CFAP97: variants seen among roughly 807,000 people sequenced by gnomAD.
CFAP97 encodes cilia and flagella associated protein 97.
A neutral mutation model predicts 43.1 loss-of-function variants in CFAP97; 36 were observed. That is an observed-to-expected ratio of 0.84 (90% CI 0.64 to 1.10). CFAP97 has a LOEUF of 1.10. CFAP97 is among the 50% of genes least tolerant of loss of function. The pLI is 0.00. For missense variants in CFAP97, 657 were observed against 620.3 expected (o/e 1.06, Z -0.63); for synonymous variants, 228 against 225.7 (o/e 1.01, Z -0.09).
chr4:185,200,041 G>A (rs1736754672), intron 1 of CFAP97, among the ~76,000 whole-genome samples: 1 of 152,188 alleles, frequency 6.6e-6, no homozygotes, highest in Non-Finnish European at 1.5e-5. Context: ...TCCTCTGACG[G>A]ATCTGAGCAA....
intron 1 of CFAP97, among the ~76,000 whole-genome samples, chr4:185,192,641 C>A (rs1270419800): frequency 1.3e-5 from 2 of 151,030 alleles, no homozygotes; most frequent in Non-Finnish European, 2.9e-5. Context: ...CTGTTTATTA[C>A]AGTGGTCAAA....
intron 2 of CFAP97, among the ~76,000 whole-genome samples, chr4:185,179,278 G>A (rs375091805): frequency 1.3e-5 from 2 of 152,018 alleles, no homozygotes; most frequent in Non-Finnish European, 1.5e-5. Context: ...ATCTGTGGCC[G>A]GAAGTTGGAC....
At chr4:185,194,118 G>C (rs115698868) in intron 1 of CFAP97, among the ~76,000 whole-genome samples, 1 of 152,112 alleles carries the variant, frequency 6.6e-6, no homozygotes, top group Non-Finnish European at 1.5e-5. Flanking sequence ...TTCACACTAC[G>C]ACTGCAGAGC....
intron 2 of CFAP97, among the ~76,000 whole-genome samples, chr4:185,179,847 A>G (rs535876476): frequency 6.6e-6 from 1 of 152,256 alleles, no homozygotes; most frequent in East Asian, 1.9e-4. Flanking sequence ...TTTTGTTGTT[A>G]TTTGGTTTAA....
Position 185,166,712 on chromosome 4 carries a change from G to A in CFAP97, c.1321-2533C>T, listed in dbSNP as rs576807891. On this transcript the variant is annotated intron_variant, in intron 3 of 4. Transcript: ENST00000458385. ...TAGGGAAATAAGAGAGAAATGATTC[G>A]GCTCATGTACCCAAATCACATGGAA... 4.6e-5 allele frequency among the ~76,000 whole-genome samples: 7 copies of A among 152,224 alleles called. No individual in the cohort carries two copies. The South Asian group carries it at 6.2e-4, about 14-fold the overall frequency.
chr4:185,187,008 A>G (rs1736030511), intron 2 of CFAP97, among the ~76,000 whole-genome samples: 1 of 152,218 alleles, frequency 6.6e-6, no homozygotes, highest in Non-Finnish European at 1.5e-5. Context: ...CGTATGCTCT[A>G]GCTTAACTAA....
chr4:185,194,942 C>T (rs546796608), intron 1 of CFAP97, among the ~76,000 whole-genome samples: 7 of 152,130 alleles, frequency 4.6e-5, no homozygotes, highest in East Asian at 1.9e-4. Flanking sequence ...GTGGTTGAAA[C>T]GAATCAATGG....
At chr4:185,200,600 G>A (rs1047530357) in intron 1 of CFAP97, among the ~76,000 whole-genome samples, 7 of 151,772 alleles carry the variant, frequency 4.6e-5, no homozygotes, top group African/African-American at 1.7e-4. Flanking sequence ...CCGAGCTTGC[G>A]TCACGGCACT....
At chr4:185,171,348 C>G (rs541964885) in intron 3 of CFAP97, among the ~76,000 whole-genome samples, 30 of 152,114 alleles carry the variant, frequency 2.0e-4, no homozygotes, top group African/African-American at 6.5e-4. Flanking sequence ...CAAAAAAATC[C>G]CCCCAAAACA....
intron 3 of CFAP97, among the ~76,000 whole-genome samples, chr4:185,166,362 G>A (rs1735072753): frequency 6.6e-6 from 1 of 152,204 alleles, no homozygotes; most frequent in Non-Finnish European, 1.5e-5. Context: ...CCAGCAGAGT[G>A]CATTTGCTGT....
chr4:185,190,428 G>T lies in CFAP97; in HGVS notation c.769C>A (p.Pro257Thr). Reference sequence around the variant, plus strand: ...GGGCTAATGTCTGGAGTTGATAAGGGACTTACGTCAGTCACAGTATCTTCA... The same window carrying T: ...GGGCTAATGTCTGGAGTTGATAAGGTACTTACGTCAGTCACAGTATCTTCA... Reference protein sequence around the residue: ...ESEDTVTDVSPLSTPDISPLQ... With the variant: ...ESEDTVTDVSTLSTPDISPLQ... The change falls in exon 2 of 5, where the codon CCC becomes ACC. Residue 257 changes from proline (P) to threonine (T), a missense_variant. By Grantham distance (38) the Pro-to-Thr change is conservative. Coordinates refer to ENST00000458385, the MANE Select transcript of CFAP97 (RefSeq NM_020827.3). 1 of 1,613,666 alleles carries T rather than the reference G, an allele frequency of 6.2e-7. No individual in the cohort carries two copies. The highest frequency in any genetic ancestry group is 1.1e-5 in the South Asian group (1 of 91,002).
intron 3 of CFAP97, among the ~76,000 whole-genome samples, chr4:185,165,796 T>C (rs1735045663): frequency 6.6e-6 from 1 of 152,148 alleles, no homozygotes; most frequent in Non-Finnish European, 1.5e-5. Context: ...CACCACCGAC[T>C]CCCATAACTT....
rs191093201 is a variant in CFAP97, at chr4:185,201,585, T to C, written c.-17+2313A>G. 4.4e-3 allele frequency among the ~76,000 whole-genome samples: 671 copies of C among 152,346 alleles called. 3 individuals are homozygous for C. Among genetic ancestry groups the C allele is most frequent in the Non-Finnish European group, 6.5e-3 (443 of 68,032 alleles). The stretch of plus-strand genomic sequence containing the variant: ...GGCTCAGATGATTGACAGCATTTTT[T>C]AGCCATAAATTATTTTTTAGATAAC... On this transcript the variant is annotated intron_variant, in intron 1 of 4. Transcript: ENST00000458385.
intron 2 of CFAP97, among the ~76,000 whole-genome samples, chr4:185,177,477 C>A (rs1052991029): frequency 6.6e-6 from 1 of 151,244 alleles, no homozygotes; most frequent in East Asian, 1.9e-4. Context: ...GTTTGACTAT[C>A]CTTATGTTAA....
intron 1 of CFAP97, among the ~76,000 whole-genome samples, chr4:185,198,738 G>A (rs60042664): frequency 0.49 from 71,359 of 146,512 alleles, 17,779 homozygotes; most frequent in East Asian, 0.59. Context: ...GCAGTAAGCC[G>A]AGATCGCGTC....
At chr4:185,208,430 T>TCC (rs1737293223), upstream of CFAP97, among the ~76,000 whole-genome samples, 2 of 152,044 alleles carry the variant, frequency 1.3e-5, no homozygotes, top group South Asian at 4.2e-4. Context: ...TTAGAAGGTT[T>TCC]AAGAAAGAAT....
At chr4:185,165,377 T>G (rs879636317) in intron 3 of CFAP97, among the ~76,000 whole-genome samples, 166 of 152,350 alleles carry the variant, frequency 1.1e-3, no homozygotes, top group Admixed American at 1.6e-3. Flanking sequence ...GTAATTTTTT[T>G]TACAATTCAG....
intron 1 of CFAP97, among the ~76,000 whole-genome samples, chr4:185,203,240 T>G (rs1428003397): frequency 6.6e-6 from 1 of 152,164 alleles, no homozygotes; most frequent in Non-Finnish European, 1.5e-5. Flanking sequence ...TAAGTTTTTA[T>G]CAAAGCTGCC....
At chr4:185,208,896 C>G (rs1737331685), upstream of CFAP97, among the ~76,000 whole-genome samples, 1 of 152,148 alleles carries the variant, frequency 6.6e-6, no homozygotes. Context: ...CTGGCTGGGA[C>G]TATGACAGAA....
Sources: allele counts gnomAD v4.1 joint callset (sites outside exome capture counted in the v4.1 genomes callset), GRCh38; gene constraint gnomAD v4.1.1; transcripts MANE v1.5; gene names NCBI Gene and HGNC (gene_info 2026-07-23, HGNC 2026-07-21).